Variants in ZNF236 observed in about 807,000 individuals in gnomAD.
ZNF236 encodes the protein regulated by glucose.
In ZNF236, 50 loss-of-function variants were observed where a neutral mutation model predicts 191.2. The observed-to-expected ratio is 0.26, with a 90% CI of 0.21 to 0.33. The LOEUF (loss-of-function observed/expected upper bound fraction) is 0.33. Ranked by LOEUF, ZNF236 falls within the 10% of genes least tolerant of loss-of-function variation. The pLI is 1.00. For synonymous variants in ZNF236, 907 were observed against 928.8 expected (o/e 0.98, Z 0.43); for missense variants, 1,754 against 2,374.5 (o/e 0.74, Z 5.43).
intron 27 of ZNF236, among the ~76,000 whole-genome samples, chr18:76,950,967 G>T (rs549268276): frequency 4.5e-4 from 68 of 152,316 alleles, no homozygotes; most frequent in African/African-American, 1.2e-3. Flanking sequence ...GGGTGACCAG[G>T]TGCATTGTCA....
At chr18:76,847,405 TC>T (rs1975722003) in intron 1 of ZNF236, among the ~76,000 whole-genome samples, 2 of 152,286 alleles carry the variant, frequency 1.3e-5, no homozygotes, top group South Asian at 2.1e-4. Flanking sequence ...TACACAGTTT[TC>T]CAAGGGAATT....
intron 20 of ZNF236, among the ~76,000 whole-genome samples, chr18:76,920,814 A>C (rs944235746): frequency 6.6e-6 from 1 of 152,264 alleles, no homozygotes; most frequent in East Asian, 1.9e-4. Context: ...GATCGAGTTG[A>C]GCAGAACCAT....
chr18:76,912,800 T>C (rs1459554689), intron 17 of ZNF236, among the ~76,000 whole-genome samples: 1 of 152,246 alleles, frequency 6.6e-6, no homozygotes, highest in African/African-American at 2.4e-5. Flanking sequence ...GAGCACCCTC[T>C]GTGCACAATG....
intron 1 of ZNF236, among the ~76,000 whole-genome samples, chr18:76,825,050 G>A (rs144283199): frequency 8.5e-4 from 129 of 152,314 alleles, no homozygotes; most frequent in African/African-American, 2.9e-3. Context: ...CCTGTTGATC[G>A]GGCCTTGTCT....
chr18:76,839,778 A>G (rs994780728), intron 1 of ZNF236, among the ~76,000 whole-genome samples: 2 of 152,196 alleles, frequency 1.3e-5, no homozygotes, highest in African/African-American at 2.4e-5. Context: ...CTTTAGCTCT[A>G]TTTATCTAAA....
chr18:76,839,605 C>T (rs1386574689), intron 1 of ZNF236, among the ~76,000 whole-genome samples: 1 of 152,134 alleles, frequency 6.6e-6, no homozygotes, highest in East Asian at 1.9e-4. Flanking sequence ...ATGAGACTCA[C>T]CCTCAAGTCG....
intron 12 of ZNF236, 114 bp downstream of exon 12, chr18:76,904,635 A>C: frequency 1.2e-6 from 1 of 864,574 alleles, no homozygotes; most frequent in Non-Finnish European, 1.6e-6. Flanking sequence ...TAAAGATGTC[A>C]CATTTGACTC....
chr18:76,892,453 T>C (rs1302162673), intron 9 of ZNF236, among the ~76,000 whole-genome samples: 1 of 141,052 alleles, frequency 7.1e-6, no homozygotes, highest in Non-Finnish European at 1.6e-5. Flanking sequence ...AGATATGTTT[T>C]ATTCACCTTT....
In ZNF236 at chr18:76,925,783, A is replaced by G. The variant is rs900061557; in HGVS notation, c.4027+229A>G. 6.6e-6 allele frequency among the ~76,000 whole-genome samples: 1 copy of G among 152,116 alleles called. No individual in the cohort carries two copies. Among genetic ancestry groups the G allele is most frequent in the Non-Finnish European group, 1.5e-5 (1 of 68,008 alleles). ...TGCCAGCTGCTTTTTTACACTAAGC[A>G]CTTTGTTTAGCTTTTGTTTTTAGTG... On this transcript the variant is annotated intron_variant, in intron 22 of 30. Transcript: ENST00000320610. This position sits in a 1 kb window ranked among gnomAD's most constrained non-coding sequence, Gnocchi z 5.7.
chr18:76,828,833 A>AT (rs1218364678), intron 1 of ZNF236, among the ~76,000 whole-genome samples: 1 of 151,936 alleles, frequency 6.6e-6, no homozygotes, highest in Non-Finnish European at 1.5e-5. Flanking sequence ...TGCCCAGCTA[A>AT]TTTTTTGTAT....
chr18:76,849,292 C>T (rs1230898651), intron 1 of ZNF236: 3 of 406,822 alleles, frequency 7.4e-6, no homozygotes, highest in African/African-American at 4.2e-5. Context: ...CTGAAAAGCC[C>T]ACCAATATGT....
intron 10 of ZNF236, 135 bp from the exon 11 acceptor site, chr18:76,898,884 C>A: frequency 1.4e-6 from 1 of 721,686 alleles, no homozygotes; most frequent in Non-Finnish European, 2.3e-6. Context: ...TTTACAATAT[C>A]CATTAAATTA....
At position 76,971,694 on chromosome 18, in the gene ZNF236, G is replaced by A. The variant is rs1196831625; in HGVS notation, c.*3355G>A. On this transcript the variant is annotated 3_prime_UTR_variant, in exon 31 of 31. Transcript: ENST00000320610. ...TTTTCCTCATTTTAGAAGAATATTT[G>A]TAACTCATTAAGATACACATTTTAA... Among the ~76,000 whole-genome samples the A allele has an allele frequency of 6.6e-6, 1 of 152,090 alleles. No homozygotes were observed. The highest frequency in any genetic ancestry group is 1.5e-5 in the Non-Finnish European group (1 of 68,020).
chr18:76,883,957 A>T (rs1485455245), intron 9 of ZNF236, among the ~76,000 whole-genome samples: 1 of 152,174 alleles, frequency 6.6e-6, no homozygotes, highest in Non-Finnish European at 1.5e-5. Context: ...GCCATGTAAA[A>T]TTATTGCTTT....
At chr18:76,889,174 C>T (rs75559575) in intron 9 of ZNF236, among the ~76,000 whole-genome samples, 1,840 of 152,256 alleles carry the variant, frequency 0.012, 25 homozygotes, top group African/African-American at 0.041. Context: ...TACCTCAGGC[C>T]GTGTCCTTCT....
At chr18:76,965,552 G>T (rs990115414) in intron 30 of ZNF236, among the ~76,000 whole-genome samples, 8 of 152,222 alleles carry the variant, frequency 5.3e-5, no homozygotes, top group Non-Finnish European at 1.0e-4. Flanking sequence ...GAAGGCTGTT[G>T]TTCAGATTCT....
At position 76,925,435 on chromosome 18, in the gene ZNF236, C is replaced by A; in HGVS notation, c.3908C>A (p.Ser1303Tyr). Residue 1303 changes from serine to tyrosine, a missense_variant, in exon 22 of 31, where the codon TCC becomes TAC. Transcript: ENST00000320610. This position sits in a 1 kb window ranked among gnomAD's most constrained non-coding sequence, Gnocchi z 5.7. The part of the protein sequence containing the change: ...EGLQPVNLLN[S>Y]SSTDPNVFIM... ...CTGCAGCCTGTAAACCTCCTCAACT[C>A]CTCCTCTACTGACCCAAACGTGTTT... 2 of 1,614,204 alleles carry A rather than the reference C, an allele frequency of 1.2e-6. No homozygotes were observed. The highest frequency in any genetic ancestry group is 1.7e-6 in the Non-Finnish European group (2 of 1,180,020).
intron 20 of ZNF236, among the ~76,000 whole-genome samples, chr18:76,921,063 T>G (rs563631377): frequency 1.3e-5 from 2 of 152,332 alleles, no homozygotes; most frequent in South Asian, 4.1e-4. Context: ...CCAAAGGGTG[T>G]GTTCCTTGTA....
intron 26 of ZNF236, among the ~76,000 whole-genome samples, chr18:76,938,898 C>T (rs1968064869): frequency 6.6e-6 from 1 of 152,232 alleles, no homozygotes. Context: ...AGGCATTCCT[C>T]CTGAGCTGTG....
Sources: allele counts gnomAD v4.1 joint callset (sites outside exome capture counted in the v4.1 genomes callset), GRCh38; gene constraint gnomAD v4.1.1; non-coding constraint Gnocchi (gnomAD v3.1); transcripts MANE v1.5; gene names NCBI Gene and HGNC (gene_info 2026-07-23, HGNC 2026-07-21).